Variants in NRXN3 observed in about 807,000 individuals in gnomAD.
NRXN3 encodes neurexin 3, also known as neurexin III.
Under a neutral mutation model 137.6 loss-of-function variants are expected in NRXN3, and 32 were observed. The observed-to-expected ratio is 0.23, with a 90% CI of 0.18 to 0.31. The LOEUF (loss-of-function observed/expected upper bound fraction) is 0.31, where lower values mean the gene tolerates loss of function less well. NRXN3 is among the 10% of genes least tolerant of loss of function. The pLI is 1.00. For synonymous variants in NRXN3, 798 were observed against 784.5 expected, an observed-to-expected ratio of 1.02 and a Z score of -0.29; for missense variants, 1,574 against 2,062.5, an observed-to-expected ratio of 0.76 and a Z score of 4.59.
chr14:78,352,043 G>A (rs566539724), intron 4 of NRXN3, among the ~76,000 whole-genome samples: 179 of 148,740 alleles, frequency 1.2e-3, no homozygotes, highest in African/African-American at 4.3e-3. Context: ...AACCGAGATC[G>A]CACCACTGCA....
intron 15 of NRXN3, among the ~76,000 whole-genome samples, chr14:79,420,025 G>A (rs981090828): frequency 6.6e-6 from 1 of 152,104 alleles, no homozygotes; most frequent in African/African-American, 2.4e-5. Flanking sequence ...AACTCTAAAG[G>A]AAAGAACCAG....
intron 6 of NRXN3, among the ~76,000 whole-genome samples, chr14:78,654,639 G>T (rs1229259531): frequency 6.6e-6 from 1 of 152,182 alleles, no homozygotes; most frequent in East Asian, 1.9e-4. Context: ...AACTATGATG[G>T]TTCTCTACAC....
chr14:78,217,395 G>A (rs547179195), intron 1 of NRXN3, among the ~76,000 whole-genome samples: 1 of 152,080 alleles, frequency 6.6e-6, no homozygotes, highest in South Asian at 2.1e-4. Flanking sequence ...CAGTTTTGGG[G>A]GTGCTACTGT....
intron 4 of NRXN3, among the ~76,000 whole-genome samples, chr14:78,636,526 GT>G (rs1035177375): frequency 2.6e-5 from 4 of 152,058 alleles, no homozygotes; most frequent in African/African-American, 9.7e-5. Flanking sequence ...CATGGTCAAA[GT>G]GTTACTCCAA....
In NRXN3 at chr14:79,261,823, G is replaced by T. The variant is rs561954387; in HGVS notation, c.3263-205398G>T. Among the ~76,000 whole-genome samples, 22 of 152,240 alleles carry T rather than the reference G, an allele frequency of 1.4e-4. No homozygotes were observed. The East Asian group carries it at 4.1e-3, about 28-fold the overall frequency. On this transcript the variant is annotated intron_variant, in intron 15 of 20. Transcript: ENST00000335750. ...CTCATGGGATAGAAGAAGTGAGGAT[G>T]GGAGAGGGTACCGAGGAGGGGCTCT...
At chr14:78,543,247 G>A (rs35297260) in intron 4 of NRXN3, among the ~76,000 whole-genome samples, 33,886 of 152,006 alleles carry the variant, frequency 0.22, 4,164 homozygotes, top group Middle Eastern at 0.32. Context: ...ATGCATTCAT[G>A]ATCTGAGATC....
At chr14:79,853,511 T>C (rs1018819094) in intron 20 of NRXN3, 5 of 1,320,320 alleles carry the variant, frequency 3.8e-6, no homozygotes, top group Non-Finnish European at 3.0e-6. Context: ...TCATTTGTTT[T>C]TGTATATTGC....
At chr14:78,201,317 C>T (rs2061656103) in intron 1 of NRXN3, among the ~76,000 whole-genome samples, 1 of 152,210 alleles carries the variant, frequency 6.6e-6, no homozygotes, top group African/African-American at 2.4e-5. Flanking sequence ...GCTGTTTGAA[C>T]TCTGTGGTCA....
At chr14:79,649,323 C>G (rs2098465164) in intron 16 of NRXN3, among the ~76,000 whole-genome samples, 1 of 152,122 alleles carries the variant, frequency 6.6e-6, no homozygotes, top group Non-Finnish European at 1.5e-5. Flanking sequence ...CACTGTTCAT[C>G]TAAACAGCTA....
At chr14:79,193,912 A>G (rs755839547) in intron 15 of NRXN3, among the ~76,000 whole-genome samples, 51 of 152,206 alleles carry the variant, frequency 3.4e-4, no homozygotes, top group Non-Finnish European at 6.3e-4. Context: ...TAAGACTGCA[A>G]TGTTCAGAAT....
intron 15 of NRXN3, among the ~76,000 whole-genome samples, chr14:79,096,834 C>G (rs181106814): frequency 6.6e-6 from 1 of 152,108 alleles, no homozygotes; most frequent in Non-Finnish European, 1.5e-5. Flanking sequence ...AGTTCTAAAT[C>G]TTTTCCAGGT....
At chr14:78,429,244 A>T (rs1002810460) in intron 4 of NRXN3, among the ~76,000 whole-genome samples, 17 of 151,766 alleles carry the variant, frequency 1.1e-4, no homozygotes, top group Non-Finnish European at 2.1e-4. Context: ...ATATATATAT[A>T]TTTTTTGTAT....
intron 3 of NRXN3, among the ~76,000 whole-genome samples, chr14:78,296,365 G>A (rs932689270): frequency 6.6e-6 from 1 of 152,152 alleles, no homozygotes. Context: ...TCTTGTGAGC[G>A]TCACCTACTG....
intron 15 of NRXN3, among the ~76,000 whole-genome samples, chr14:79,285,588 T>C (rs1311020238): frequency 6.6e-6 from 1 of 152,192 alleles, no homozygotes; most frequent in African/African-American, 2.4e-5. Context: ...ATGGCTGTTT[T>C]CTCACTGTGT....
intron 8 of NRXN3, among the ~76,000 whole-genome samples, chr14:78,766,980 A>G (rs1365925383): frequency 2.0e-5 from 3 of 152,174 alleles, no homozygotes; most frequent in African/African-American, 7.2e-5. Context: ...GTAATTCCCT[A>G]TGCTAGTTTT....
At chr14:78,547,392 T>A (rs1388793511) in intron 4 of NRXN3, among the ~76,000 whole-genome samples, 1 of 151,800 alleles carries the variant, frequency 6.6e-6, no homozygotes, top group Non-Finnish European at 1.5e-5. Flanking sequence ...TAGAGATGGG[T>A]TTTTACCATT....
At position 79,153,741 on chromosome 14, in the gene NRXN3, T is replaced by C. The variant is rs533679091; in HGVS notation, c.3262+165600T>C. ...ATCATAATAAATGACTCGTTGGTAA[T>C]TTATCAGAGCTTGTTCCTTCCCCAA... On this transcript the variant is annotated intron_variant, in intron 15 of 20. Transcript: ENST00000335750. 8.3e-4 allele frequency among the ~76,000 whole-genome samples: 127 copies of C among 152,126 alleles called. 3 individuals are homozygous for C. The South Asian group carries it at 0.025, about 30-fold the overall frequency.
chr14:78,349,510 G>A (rs1285922697), intron 4 of NRXN3, among the ~76,000 whole-genome samples: 1 of 152,180 alleles, frequency 6.6e-6, no homozygotes, highest in Non-Finnish European at 1.5e-5. Flanking sequence ...TCTCCCACAT[G>A]TTCATTTTAA....
intron 19 of NRXN3, among the ~76,000 whole-genome samples, chr14:79,797,089 G>A (rs2099163311): frequency 6.6e-6 from 1 of 152,208 alleles, no homozygotes; most frequent in Admixed American, 6.5e-5. Flanking sequence ...AAATTAGTGA[G>A]TGAATGAGTC....
Sources: gnomAD v4.1 joint callset for allele counts (sites outside exome capture counted in the v4.1 genomes callset) on GRCh38, gnomAD v4.1.1 for gene constraint, MANE v1.5 for transcripts, NCBI Gene and HGNC (gene_info 2026-07-23, HGNC 2026-07-21) for gene names.